The following SRSF4 variants were observed in gnomAD, a reference collection of about 807,000 sequenced individuals.
SRSF4 encodes the protein serine/arginine-rich splicing factor 4.
A neutral mutation model predicts 48.8 loss-of-function variants in SRSF4; 12 were observed. The observed-to-expected ratio is 0.25, with a 90% CI of 0.16 to 0.40. The LOEUF (loss-of-function observed/expected upper bound fraction) is 0.40. SRSF4 is among the 10% of genes least tolerant of loss of function. The probability of loss-of-function intolerance (pLI) is 1.00; values close to 1 mark genes in which losing one functional copy is unlikely to be tolerated. For missense variants in SRSF4, 466 were observed against 667.1 expected (o/e 0.70, Z 3.32); for synonymous variants, 248 against 232.5 (o/e 1.07, Z -0.61).
chr1:29,154,075 T>TG (rs761262678), intron 4 of SRSF4, among the ~76,000 whole-genome samples: 9 of 150,782 alleles, frequency 6.0e-5, no homozygotes, highest in East Asian at 2.0e-4. Flanking sequence ...TTTTTTGAGA[T>TG]GGAGTTTCGC....
chr1:29,181,416 C>CCA (rs1265006954), intron 1 of SRSF4, among the ~76,000 whole-genome samples: 1 of 152,186 alleles, frequency 6.6e-6, no homozygotes, highest in African/African-American at 2.4e-5. Flanking sequence ...TCTCCCCGTC[C>CCA]CACTCAGGGC....
chr1:29,175,694 C>CAAAAAAAAAAAAAAAAAAA, intron 1 of SRSF4, among the ~76,000 whole-genome samples: 1 of 38,604 alleles, frequency 2.6e-5, no homozygotes, highest in Non-Finnish European at 4.1e-5. Flanking sequence ...GACGCTGTCT[C>CAAAAAAAAAAAAAAAAAAA]AAAAAAAAAA....
At chr1:29,175,522 C>G (rs1163015851) in intron 1 of SRSF4, among the ~76,000 whole-genome samples, 2 of 149,020 alleles carry the variant, frequency 1.3e-5, no homozygotes, top group East Asian at 4.0e-4. Context: ...AGTGAAACCC[C>G]GTCTCTACTA....
At chr1:29,170,527 G>A (rs1244222737) in intron 1 of SRSF4, 2 of 151,970 alleles carry the variant, frequency 1.3e-5, no homozygotes, top group East Asian at 3.9e-4. Context: ...CCTCATAATC[G>A]CCCCTGGTCC....
intron 1 of SRSF4, among the ~76,000 whole-genome samples, chr1:29,176,012 G>GGAGGCC (rs1672843563): frequency 6.6e-6 from 1 of 152,090 alleles, no homozygotes; most frequent in Non-Finnish European, 1.5e-5. Flanking sequence ...CAGCACTTTG[G>GGAGGCC]GAGGCCGAGG....
intron 2 of SRSF4, chr1:29,159,694 C>A (rs1201406150): frequency 1.0e-5 from 4 of 386,156 alleles, no homozygotes; most frequent in East Asian, 8.3e-5. Flanking sequence ...TGTAAGTATA[C>A]ATATTCATTA....
At chr1:29,159,230 G>A (rs1407763655) in intron 3 of SRSF4, 144 bp downstream of exon 3, 2 of 560,686 alleles carry the variant, frequency 3.6e-6, no homozygotes, top group Non-Finnish European at 6.4e-6. Flanking sequence ...GTACTCATAT[G>A]GCACTTTAAT....
chr1:29,150,452 C>T (rs1245484661), intron 4 of SRSF4, among the ~76,000 whole-genome samples: 3 of 152,036 alleles, frequency 2.0e-5, no homozygotes, highest in Admixed American at 6.6e-5. Context: ...TTAGTAGAGA[C>T]GGGGTTTCTC....
intron 4 of SRSF4, among the ~76,000 whole-genome samples, chr1:29,153,565 C>G (rs1672449877): frequency 6.6e-6 from 1 of 151,914 alleles, no homozygotes; most frequent in Admixed American, 6.6e-5. Context: ...TCTAGGGGTC[C>G]CAAGAAGAAA....
At chr1:29,154,559 T>G in intron 4 of SRSF4, 137 bp downstream of exon 4, 1 of 793,256 alleles carries the variant, frequency 1.3e-6, no homozygotes, top group African/African-American at 1.7e-5. Flanking sequence ...AAATAAATGT[T>G]CAGTTCAAAA....
chr1:29,154,641 G>A (rs1672470380), intron 4 of SRSF4, 55 bp downstream of exon 4: 1 of 1,512,114 alleles, frequency 6.6e-7, no homozygotes, highest in African/African-American at 1.4e-5. Flanking sequence ...AATTATCTAT[G>A]TGCTCACTAA....
intron 1 of SRSF4, among the ~76,000 whole-genome samples, chr1:29,161,968 C>T (rs2151816630): frequency 6.6e-6 from 1 of 152,312 alleles, no homozygotes; most frequent in East Asian, 1.9e-4. Flanking sequence ...TGGAATTTTT[C>T]CTTTACTAAA....
chr1:29,151,859 A>AATAC (rs1412505504), intron 4 of SRSF4, among the ~76,000 whole-genome samples: 2 of 152,232 alleles, frequency 1.3e-5, no homozygotes, highest in African/African-American at 2.4e-5. Flanking sequence ...TGCTTGTATA[A>AATAC]ATACATACAT....
chr1:29,168,291 A>G (rs1672698058), intron 1 of SRSF4, among the ~76,000 whole-genome samples: 1 of 149,844 alleles, frequency 6.7e-6, no homozygotes, highest in South Asian at 2.1e-4. Context: ...TTGGCCTCCC[A>G]AAGTGCTAGA....
rs371678325 is a variant in SRSF4, at chr1:29,148,452, T to C, written c.1443A>G (p.Arg481=). 5 of 1,611,550 alleles carry C rather than the reference T, an allele frequency of 3.1e-6. No homozygotes were observed. The Admixed American group carries it at 8.4e-5, about 27-fold the overall frequency. Residue 481 remains arginine, a synonymous_variant, in exon 6 of 6, where the codon AGA becomes AGG. Coordinates refer to ENST00000373795, the MANE Select transcript of SRSF4 (RefSeq NM_005626.5). ...ACCTAGATCTAGATCGGGAGGGCGA[T>C]CTGGAAGCAGACCTGGATCTAGACT... The part of the protein sequence containing the change: ...RSKSRSRSAS[R]SPSRSRSRSH...
In SRSF4 at chr1:29,181,772, G is replaced by GCTGGCC. The variant is rs1177562082; in HGVS notation, c.-26_-21dup. On this transcript the variant is annotated 5_prime_UTR_variant, in exon 1 of 6. Coordinates refer to ENST00000373795, the MANE Select transcript of SRSF4 (RefSeq NM_005626.5). ...CGGCATCCCGGCAACGGCAGTGATG[G>GCTGGCC]CTGGCCCCGGCCCCAGCCCCCCTTA... 1 of 1,558,112 alleles carries GCTGGCC rather than the reference G, an allele frequency of 6.4e-7. No homozygotes were observed. The highest frequency in any genetic ancestry group is 1.2e-5 in the South Asian group (1 of 86,392).
chr1:29,154,916 G>GA lies in SRSF4; in HGVS notation c.364-7dup, dbSNP rs66504457. The stretch of plus-strand genomic sequence containing the variant: ...CCTGCCTGACGCATATAATCCTGAA[G>GA]AAAAAAAAAAGTGTGACTACATTAG... On this transcript the variant is annotated splice_region_variant and splice_polypyrimidine_tract_variant and intron_variant, in intron 3 of 5. Transcript: ENST00000373795. 5.1e-3 allele frequency: 7,163 copies of GA among 1,409,226 alleles called. No homozygotes were observed. The highest frequency in any genetic ancestry group is 6.3e-3 in the Admixed American group (290 of 46,282). The allele number at this position is 1,409,226 out of a possible 1,614,324, so 87.3% of individuals were successfully genotyped here. A position where few individuals can be genotyped will look rare whatever the true frequency, so the allele number is the denominator to read the frequency against.
At chr1:29,174,675 G>GTTT (rs35283951) in intron 1 of SRSF4, among the ~76,000 whole-genome samples, 5 of 130,692 alleles carry the variant, frequency 3.8e-5, no homozygotes, top group African/African-American at 1.4e-4. Flanking sequence ...CAGGAGATAG[G>GTTT]TTTTTTTTTT....
chr1:29,180,745 C>A (rs188666567), intron 1 of SRSF4, among the ~76,000 whole-genome samples: 1 of 152,344 alleles, frequency 6.6e-6, no homozygotes, highest in Admixed American at 6.5e-5. Flanking sequence ...AGTATTTTCT[C>A]CAGGCCTGAT....
Sources: allele counts gnomAD v4.1 joint callset (sites outside exome capture counted in the v4.1 genomes callset), GRCh38; gene constraint gnomAD v4.1.1; transcripts MANE v1.5; gene names NCBI Gene and HGNC (gene_info 2026-07-23, HGNC 2026-07-21).